CELF1: variants seen among roughly 807,000 people sequenced by gnomAD.
The protein encoded by CELF1 is CUGBP Elav-like family member 1, also known as 50 kDa nuclear polyadenylated RNA-binding protein.
Under a neutral mutation model 61.8 loss-of-function variants are expected in CELF1, and 10 were observed. The observed-to-expected ratio is 0.16, with a 90% CI of 0.10 to 0.27. The LOEUF (loss-of-function observed/expected upper bound fraction) is 0.27, where lower values mean the gene tolerates loss of function less well. CELF1 is among the 10% of genes least tolerant of loss of function. The probability of loss-of-function intolerance (pLI) is 1.00; values close to 1 mark genes in which losing one functional copy is unlikely to be tolerated. For synonymous variants in CELF1, 236 were observed against 225.1 expected (o/e 1.05, Z -0.43); for missense variants, 380 against 639.1 (o/e 0.59, Z 4.37).
Position 47,528,453 on chromosome 11 carries a change from T to G in CELF1, c.-154+24539A>C, listed in dbSNP as rs188974634. Reference sequence around the variant, plus strand: ...ACAGTTATTCCATCTCACATTTTTTTAAAAAGTTAAAGTTTGGCCAGGCAC... The same window carrying G: ...ACAGTTATTCCATCTCACATTTTTTGAAAAAGTTAAAGTTTGGCCAGGCAC... On this transcript the variant is annotated intron_variant, in intron 1 of 14. Coordinates refer to ENST00000687097, the MANE Select transcript of CELF1 (RefSeq NM_001376376.1). Among the ~76,000 whole-genome samples, 107 of 152,056 alleles carry G rather than the reference T, an allele frequency of 7.0e-4. 1 individual carries two copies. Among genetic ancestry groups the G allele is most frequent in the Non-Finnish European group, 2.9e-4 (20 of 67,960 alleles).
chr11:47,514,134 T>C (rs2095416705), intron 1 of CELF1: 1 of 152,058 alleles, frequency 6.6e-6, no homozygotes, highest in Admixed American at 6.6e-5. Flanking sequence ...TTCGACATGT[T>C]GGCCAGGCTG....
chr11:47,472,141 C>T lies in CELF1; in HGVS notation c.*89G>A, dbSNP rs1234501607. 2 of 1,496,018 alleles carry T rather than the reference C, an allele frequency of 1.3e-6. No homozygotes were observed. Among genetic ancestry groups the T allele is most frequent in the African/African-American group, 2.8e-5 (2 of 72,718 alleles). The allele number at this position is 1,496,018 out of a possible 1,614,324, so 92.7% of individuals were successfully genotyped here. On this transcript the variant is annotated 3_prime_UTR_variant, in exon 15 of 15. Transcript: ENST00000687097. ...AGGGATCAGGGTCCAGGGCTGTCAA[C>T]ACACAGCCTCAGGGCTTCGAATCAT...
Position 47,499,438 on chromosome 11 carries a change from A to G in CELF1, c.71+15T>C. ...CCTCTGCTTATGATAAAAATTAGAC[A>G]ACAAAAATACTTACACGGGACTGGA... On this transcript the variant is annotated intron_variant, in intron 3 of 14. Coordinates refer to ENST00000687097, the MANE Select transcript of CELF1 (RefSeq NM_001376376.1). 1 of 1,531,338 alleles carries G rather than the reference A, an allele frequency of 6.5e-7. No individual in the cohort carries two copies. The highest frequency in any genetic ancestry group is 8.8e-7 in the Non-Finnish European group (1 of 1,142,690). 94.9% of individuals were successfully genotyped at this position (1,531,338 alleles called of 1,614,324 possible). A position where few individuals can be genotyped will look rare whatever the true frequency, so the allele number is the denominator to read the frequency against.
rs1015190774 is a variant in CELF1 at position 47,466,035 on chromosome 11, G to C, written c.*6195C>G. On this transcript the variant is annotated 3_prime_UTR_variant, in exon 15 of 15. Transcript: ENST00000687097. ...TCCATGTGTCTGTGCAATTAAAACA[G>C]ATTTAGGTTCCCCATTGGGACAAAA... 6.6e-6 allele frequency: 1 copy of C among 152,178 alleles called. No homozygotes were observed. The highest frequency in any genetic ancestry group is 1.5e-5 in the Non-Finnish European group (1 of 68,030). 9.4% of individuals were successfully genotyped at this position (152,178 alleles called of 1,614,324 possible). A position where few individuals can be genotyped will look rare whatever the true frequency, so the allele number is the denominator to read the frequency against.
rs1407972917 is a variant in CELF1 at position 47,466,050 on chromosome 11, T to C, written c.*6180A>G. 3 of 152,212 alleles carry C rather than the reference T, an allele frequency of 2.0e-5. No homozygotes were observed. Among genetic ancestry groups the C allele is most frequent in the African/African-American group, 4.8e-5 (2 of 41,454 alleles). 9.4% of individuals were successfully genotyped at this position (152,212 alleles called of 1,614,324 possible). A position where few individuals can be genotyped will look rare whatever the true frequency, so the allele number is the denominator to read the frequency against. ...AATTAAAACAGATTTAGGTTCCCCA[T>C]TGGGACAAAAGGAAAAACACACAAA... On this transcript the variant is annotated 3_prime_UTR_variant, in exon 15 of 15. Coordinates refer to ENST00000687097, the MANE Select transcript of CELF1 (RefSeq NM_001376376.1).
intron 1 of CELF1, among the ~76,000 whole-genome samples, chr11:47,515,899 T>C (rs1241486140): frequency 6.6e-6 from 1 of 152,110 alleles, no homozygotes; most frequent in African/African-American, 2.4e-5. Context: ...AAATATTACT[T>C]TGCCTCTCTT....
intron 1 of CELF1, among the ~76,000 whole-genome samples, chr11:47,521,159 G>T: frequency 6.6e-6 from 1 of 152,154 alleles, no homozygotes. Context: ...GGCTGAGGCA[G>T]GAGAATGGCG....
Position 47,475,377 on chromosome 11 carries a change from A to G in CELF1, c.1232T>C (p.Leu411Pro), listed in dbSNP as rs370804375. Residue 411 changes from leucine (L) to proline (P), a missense_variant, in exon 13 of 15, where the codon CTG (leucine) becomes CCG (proline). Coordinates refer to ENST00000687097, the MANE Select transcript of CELF1 (RefSeq NM_001376376.1). ...AGCAGCACCAATACTCTGCTGTGTC[A>G]GAAGATTCTGGTTGTACAGAGTGGG... is the stretch of plus-strand genomic sequence containing the variant. The part of the protein sequence containing the change: ...ALPTLYNQNL[L>P]TQQSIGAAGS... The G allele has an allele frequency of 3.1e-6, 5 of 1,613,984 alleles. No individual in the cohort carries two copies. The highest frequency in any genetic ancestry group is 3.4e-6 in the Non-Finnish European group (4 of 1,180,000).
At chr11:47,528,235 T>C (rs1681535723) in intron 1 of CELF1, among the ~76,000 whole-genome samples, 1 of 152,082 alleles carries the variant, frequency 6.6e-6, no homozygotes, top group Admixed American at 6.6e-5. Flanking sequence ...ATGTCAGTTC[T>C]CCTCCCTTAT....
At chr11:47,547,106 A>T (rs1050435726) in intron 1 of CELF1, among the ~76,000 whole-genome samples, 2 of 148,878 alleles carry the variant, frequency 1.3e-5, no homozygotes, top group African/African-American at 4.9e-5. Flanking sequence ...AAGAAAGAAA[A>T]TGCTGTATAT....
intron 3 of CELF1, among the ~76,000 whole-genome samples, chr11:47,491,496 C>G (rs970500173): frequency 5.9e-5 from 9 of 152,166 alleles, no homozygotes; most frequent in Admixed American, 3.3e-4. Context: ...AGGGGTTATT[C>G]TCACATCACC....
Position 47,487,960 on chromosome 11 carries a change from T to C in CELF1, c.260-719A>G, listed in dbSNP as rs182222225. The stretch of plus-strand genomic sequence containing the variant: ...ACAATATAGATTTTTTTTTAAATCA[T>C]GCTGCAGCAGTTAGAACTACAAATT... On this transcript the variant is annotated intron_variant, in intron 4 of 14. Coordinates refer to ENST00000687097, the MANE Select transcript of CELF1 (RefSeq NM_001376376.1). Among the ~76,000 whole-genome samples the C allele has an allele frequency of 1.2e-4, 18 of 152,332 alleles. No individual in the cohort carries two copies. The East Asian group carries it at 3.3e-3, about 28-fold the overall frequency.
At chr11:47,556,003 A>C (rs2097204878), upstream of CELF1, among the ~76,000 whole-genome samples, 1 of 151,252 alleles carries the variant, frequency 6.6e-6, no homozygotes, top group Admixed American at 6.6e-5. Flanking sequence ...CTGTCTCAAA[A>C]AAAAAAAAAA....
intron 2 of CELF1, 26 bp downstream of exon 2, chr11:47,500,835 C>T: frequency 2.5e-6 from 1 of 398,460 alleles, no homozygotes; most frequent in Non-Finnish European, 4.4e-6. Context: ...GCTTTCTTTC[C>T]ATTTTTATCA....
intron 1 of CELF1, among the ~76,000 whole-genome samples, chr11:47,524,203 C>CTTT (rs2096112619): frequency 1.3e-5 from 2 of 151,982 alleles, no homozygotes; most frequent in South Asian, 4.2e-4. Flanking sequence ...GGTGCCTCAT[C>CTTT]TTTTTATACT....
intron 1 of CELF1, among the ~76,000 whole-genome samples, chr11:47,534,832 GT>G (rs1177282218): frequency 7.2e-5 from 11 of 151,978 alleles, no homozygotes; most frequent in Admixed American, 3.3e-4. Flanking sequence ...GTTAAATTAC[GT>G]TTAGGGAGAT....
intron 1 of CELF1, among the ~76,000 whole-genome samples, chr11:47,520,490 G>A (rs746315245): frequency 5.3e-5 from 8 of 152,110 alleles, no homozygotes; most frequent in African/African-American, 7.2e-5. Flanking sequence ...GGGCATCTCC[G>A]GAAGATGTGT....
chr11:47,483,321 T>A (rs1338417743), intron 8 of CELF1, 132 bp downstream of exon 8: 17 of 713,844 alleles, frequency 2.4e-5, no homozygotes, highest in Non-Finnish European at 3.7e-5. Flanking sequence ...AATCAGTGGT[T>A]TTTAACTTTA....
chr11:47,488,711 AG>A lies in CELF1; in HGVS notation c.259+125del, dbSNP rs1310606377. 6 of 653,670 alleles carry A rather than the reference AG, an allele frequency of 9.2e-6. No homozygotes were observed. The Admixed American group carries it at 1.5e-4, about 17-fold the overall frequency. 40.5% of individuals were successfully genotyped at this position (653,670 alleles called of 1,614,324 possible). On this transcript the variant is annotated intron_variant, in intron 4 of 14. Coordinates refer to ENST00000687097, the MANE Select transcript of CELF1 (RefSeq NM_001376376.1). Reference sequence around the variant, plus strand: ...CAGGAGTATTCTGGCAATGACAGAGAGAATGCACATGAAAGAAATTACATAT... The same window carrying A: ...CAGGAGTATTCTGGCAATGACAGAGAAATGCACATGAAAGAAATTACATAT...
Sources: gnomAD v4.1 joint callset for allele counts (sites outside exome capture counted in the v4.1 genomes callset) on GRCh38, gnomAD v4.1.1 for gene constraint, MANE v1.5 for transcripts, NCBI Gene and HGNC (gene_info 2026-07-23, HGNC 2026-07-21) for gene names.